LTBP1: variants seen among roughly 807,000 people sequenced by gnomAD.
LTBP1 encodes the protein latent-transforming growth factor beta-binding protein 1.
In LTBP1, 129 loss-of-function variants were observed where a neutral mutation model predicts 207.6. The ratio of observed to expected loss-of-function variants is 0.62; its 90% CI spans 0.54 to 0.72. LTBP1 has a LOEUF of 0.72. LTBP1 is among the 30% of genes least tolerant of loss of function. LTBP1 has a pLI of 0.00. For missense variants in LTBP1, 2,281 were observed against 2,217.2 expected (o/e 1.03, Z -0.58); for synonymous variants, 963 against 833.7 (o/e 1.16, Z -2.67).
chr2:33,274,647 G>T (rs2093389758), intron 16 of LTBP1, among the ~76,000 whole-genome samples: 1 of 152,146 alleles, frequency 6.6e-6, no homozygotes, highest in Non-Finnish European at 1.5e-5. Flanking sequence ...ACTCCCTACT[G>T]ACAGCAAATT....
intron 2 of LTBP1, among the ~76,000 whole-genome samples, chr2:32,967,774 T>C (rs1038933990): frequency 6.6e-6 from 1 of 152,304 alleles, no homozygotes; most frequent in East Asian, 1.9e-4. Context: ...TAATCATGAG[T>C]AAAATGTATA....
intron 2 of LTBP1, among the ~76,000 whole-genome samples, chr2:32,984,501 G>A (rs933388007): frequency 6.6e-6 from 1 of 152,170 alleles, no homozygotes; most frequent in Non-Finnish European, 1.5e-5. Context: ...CTGGACCTGT[G>A]GGGTCAGGAC....
chr2:33,230,832 C>G (rs2091743593), intron 9 of LTBP1, among the ~76,000 whole-genome samples: 1 of 152,204 alleles, frequency 6.6e-6, no homozygotes, highest in African/African-American at 2.4e-5. Flanking sequence ...ACCAAAGTCA[C>G]TTACCAGTTT....
rs144004726 is a variant in LTBP1 at position 33,327,257 on chromosome 2, G to A, written c.3730+11988G>A. 2.6e-4 allele frequency among the ~76,000 whole-genome samples: 39 copies of A among 152,210 alleles called. No homozygotes were observed. In the East Asian group the frequency reaches 6.9e-3, roughly 27 times the overall value. ...GACCTATCTTTTGAACATGAAATAG[G>A]TCTTACTTCCGTCTTCTATCATTTT... On this transcript the variant is annotated intron_variant, in intron 24 of 33. Coordinates refer to ENST00000404816, the MANE Select transcript of LTBP1 (RefSeq NM_206943.4).
chr2:33,205,962 A>G (rs1457465212), intron 7 of LTBP1, among the ~76,000 whole-genome samples: 2 of 152,084 alleles, frequency 1.3e-5, no homozygotes, highest in Admixed American at 6.6e-5. Context: ...AAAATCCACC[A>G]TGTTGGTACC....
intron 3 of LTBP1, among the ~76,000 whole-genome samples, chr2:33,055,619 C>T (rs1384909976): frequency 6.6e-6 from 1 of 152,156 alleles, no homozygotes; most frequent in Non-Finnish European, 1.5e-5. Flanking sequence ...GCATTCTTTT[C>T]GTTAAAGGCC....
At position 33,293,107 on chromosome 2, in the gene LTBP1, A is replaced by G. The variant is rs1183913144; in HGVS notation, c.3113-53A>G. On this transcript the variant is annotated intron_variant, in intron 19 of 33. Coordinates refer to ENST00000404816, the MANE Select transcript of LTBP1 (RefSeq NM_206943.4). ...TTTCTAACCAAATTTAACTTTATCC[A>G]TGTTTTCTTTTTCTTCTTTTTTTGT... is the stretch of plus-strand genomic sequence containing the variant. 18 of 1,575,424 alleles carry G rather than the reference A, an allele frequency of 1.1e-5. No homozygotes were observed. In the South Asian group the frequency reaches 1.5e-4, roughly 13 times the overall value.
rs60517617 is a variant in LTBP1, at chr2:33,366,439, T to C, written c.4711+936T>C. 1.0e-2 allele frequency among the ~76,000 whole-genome samples: 1,518 copies of C among 152,366 alleles called. 29 individuals carry two copies. Among genetic ancestry groups the C allele is most frequent in the African/African-American group, 0.035 (1,441 of 41,582 alleles). On this transcript the variant is annotated intron_variant, in intron 31 of 33. Coordinates refer to ENST00000404816, the MANE Select transcript of LTBP1 (RefSeq NM_206943.4). ...TTCAAGCTCTTTAGAAAATTAGCTT[T>C]GCAGCTTAGAAATAACTTAAAACCA...
intron 5 of LTBP1, among the ~76,000 whole-genome samples, chr2:33,166,432 C>T (rs948913988): frequency 6.6e-6 from 1 of 152,128 alleles, no homozygotes; most frequent in Non-Finnish European, 1.5e-5. Flanking sequence ...TGTTTCTAGT[C>T]CTTATTAGTG....
chr2:32,981,136 C>G (rs1682701619), intron 2 of LTBP1, among the ~76,000 whole-genome samples: 1 of 152,058 alleles, frequency 6.6e-6, no homozygotes, highest in African/African-American at 2.4e-5. Context: ...TGGGAAATTT[C>G]TCTGTTATTA....
At chr2:33,071,680 A>T (rs1019903202) in intron 3 of LTBP1, among the ~76,000 whole-genome samples, 1 of 152,118 alleles carries the variant, frequency 6.6e-6, no homozygotes, top group Admixed American at 6.5e-5. Flanking sequence ...AATAACAAAG[A>T]TTTATTTCTT....
At chr2:33,182,686 T>TGAGATA (rs1215386722) in intron 5 of LTBP1, among the ~76,000 whole-genome samples, 796 of 48,600 alleles carry the variant, frequency 0.016, 101 homozygotes, top group African/African-American at 0.034. Flanking sequence ...GAAAAGATGG[T>TGAGATA]GATATATATA....
At chr2:33,116,308 G>A (rs2080742799) in intron 4 of LTBP1, among the ~76,000 whole-genome samples, 1 of 152,142 alleles carries the variant, frequency 6.6e-6, no homozygotes, top group Non-Finnish European at 1.5e-5. Flanking sequence ...CTCTCAAGAT[G>A]GGCTTAGGTT....
chr2:33,240,941 C>T (rs181839977), intron 9 of LTBP1, among the ~76,000 whole-genome samples: 8 of 152,202 alleles, frequency 5.3e-5, no homozygotes, highest in African/African-American at 1.7e-4. Context: ...TGAGCCACCG[C>T]GCCCGGCCAG....
intron 20 of LTBP1, among the ~76,000 whole-genome samples, chr2:33,298,303 G>A (rs991420272): frequency 6.6e-6 from 1 of 152,134 alleles, no homozygotes; most frequent in African/African-American, 2.4e-5. Context: ...GTCATTACTT[G>A]TCATGAATTA....
chr2:33,175,824 A>G (rs1219906224), intron 5 of LTBP1, among the ~76,000 whole-genome samples: 1 of 105,228 alleles, frequency 9.5e-6, no homozygotes, highest in Non-Finnish European at 2.2e-5. Context: ...CTATGCAGCC[A>G]TAAAAAAATG....
At chr2:33,040,561 T>G (rs956542015) in intron 3 of LTBP1, among the ~76,000 whole-genome samples, 11 of 152,202 alleles carry the variant, frequency 7.2e-5, no homozygotes, top group Non-Finnish European at 1.5e-4. Flanking sequence ...ATCTACTGCC[T>G]CCTCAACCAC....
At chr2:32,959,099 A>G (rs1678572051) in intron 2 of LTBP1, among the ~76,000 whole-genome samples, 1 of 152,196 alleles carries the variant, frequency 6.6e-6, no homozygotes. Context: ...ATAAGTAAAC[A>G]GTTTGAAAAT....
intron 24 of LTBP1, among the ~76,000 whole-genome samples, chr2:33,342,102 T>C (rs2094634385): frequency 6.6e-6 from 1 of 152,334 alleles, no homozygotes; most frequent in Admixed American, 6.5e-5. Context: ...AAGAATTCTA[T>C]CTAAAAGTCT....
Sources: gnomAD v4.1 joint callset for allele counts (sites outside exome capture counted in the v4.1 genomes callset) on GRCh38, gnomAD v4.1.1 for gene constraint, MANE v1.5 for transcripts, NCBI Gene and HGNC (gene_info 2026-07-23, HGNC 2026-07-21) for gene names.